SERPINA1: variants seen among roughly 807,000 people sequenced by gnomAD.
SERPINA1 encodes the protein serpin family A member 1.
In SERPINA1, 21 loss-of-function variants were observed where a neutral mutation model predicts 25.4. The observed-to-expected ratio is 0.83, with a 90% CI of 0.59 to 1.19. SERPINA1 has a LOEUF of 1.19. Among genes scored for constraint, SERPINA1 ranks in the 50% most tolerant of loss-of-function variants. The pLI, the probability that SERPINA1 is intolerant of heterozygous loss-of-function variation, is 0.00. For missense variants in SERPINA1, 546 were observed against 509.0 expected (o/e 1.07, Z -0.70); for synonymous variants, 218 against 211.1 (o/e 1.03, Z -0.29).
chr14:94,385,524 T>G (rs888173991), intron 1 of SERPINA1, among the ~76,000 whole-genome samples: 2 of 152,248 alleles, frequency 1.3e-5, no homozygotes, highest in African/African-American at 4.8e-5. Flanking sequence ...AGCTGAGGTT[T>G]CACCGTGTTG....
intron 1 of SERPINA1, among the ~76,000 whole-genome samples, chr14:94,387,126 T>A (rs1214361084): frequency 6.6e-6 from 1 of 152,174 alleles, no homozygotes; most frequent in African/African-American, 2.4e-5. Flanking sequence ...ATCAGAAAAC[T>A]TCAGAGGCAG....
intron 1 of SERPINA1, 47 bp downstream of exon 1, chr14:94,388,513 A>C (rs1352996442): frequency 6.6e-6 from 1 of 152,584 alleles, no homozygotes; most frequent in African/African-American, 2.4e-5. Flanking sequence ...GGCCATGGGG[A>C]GCTCAGAAGC....
At position 94,378,257 on chromosome 14, in the gene SERPINA1, A is replaced by T. The variant is rs1253600908; in HGVS notation, c.*192T>A. On this transcript the variant is annotated 3_prime_UTR_variant, in exon 5 of 5. Transcript: ENST00000393087. ...CTACCCAGCCAGATGCTCCATGAAC[A>T]CAGTTCAGGGGGCCCGAAGACAGCA... 8.1e-6 allele frequency: 5 copies of T among 616,376 alleles called. No homozygotes were observed. The East Asian group carries it at 1.4e-4, about 17-fold the overall frequency. The allele number at this position is 616,376 out of a possible 1,614,324, so 38.2% of individuals were successfully genotyped here.
At position 94,380,888 on chromosome 14, in the gene SERPINA1, C is replaced by T. The variant is rs538675821; in HGVS notation, c.900G>A (p.Leu300=). Residue 300 remains leucine (L), a synonymous_variant, in exon 3 of 5, where the codon CTG becomes CTA. Transcript: ENST00000393087. ...ELTHDIITKF[L]ENEDRRSASL... ...GGAATCACCTTCTGTCTTCATTTTCCAGGAACTTGGTGATGATATCGTGGG... is the reference window on the plus strand; with the variant it reads ...GGAATCACCTTCTGTCTTCATTTTCTAGGAACTTGGTGATGATATCGTGGG... 1 of 1,614,204 alleles carries T rather than the reference C, an allele frequency of 6.2e-7. No individual in the cohort carries two copies. Among genetic ancestry groups the T allele is most frequent in the Admixed American group, 1.7e-5 (1 of 60,024 alleles).
chr14:94,381,243 C>T (rs1202816392), intron 2 of SERPINA1, 102 bp from the exon 3 acceptor site: 4 of 1,208,516 alleles, frequency 3.3e-6, no homozygotes, highest in Non-Finnish European at 4.7e-6. Context: ...AAGCCCTGAG[C>T]CCCCTTGACG....
At position 94,376,837 on chromosome 14, in the gene SERPINA1, T is replaced by C. The variant is rs1294437497; in HGVS notation, c.*1612A>G. On this transcript the variant is annotated 3_prime_UTR_variant, in exon 5 of 5. Coordinates refer to ENST00000393087, the MANE Select transcript of SERPINA1 (RefSeq NM_000295.5). The stretch of plus-strand genomic sequence containing the variant: ...AACATCATACCAACTCAAAGGCAGG[T>C]CTTACTAGCAATGACTGGGGCTCAG... 2 of 152,198 alleles carry C rather than the reference T, an allele frequency of 1.3e-5. No homozygotes were observed. Among genetic ancestry groups the C allele is most frequent in the African/African-American group, 4.8e-5 (2 of 41,448 alleles). 9.4% of individuals were successfully genotyped at this position (152,198 alleles called of 1,614,324 possible). A position where few individuals can be genotyped will look rare whatever the true frequency, so the allele number is the denominator to read the frequency against.
intron 4 of SERPINA1, chr14:94,379,241 CT>C: frequency 1.5e-6 from 1 of 645,160 alleles, no homozygotes; most frequent in Non-Finnish European, 2.7e-6. Flanking sequence ...GTGACACAAC[CT>C]CAAGGGAGGC....
chr14:94,384,190 C>T (rs1239331115), intron 1 of SERPINA1: 2 of 152,130 alleles, frequency 1.3e-5, no homozygotes, highest in Non-Finnish European at 2.9e-5. Flanking sequence ...TTCAGATAGA[C>T]CTGGGATCTA....
At chr14:94,381,720 T>C (rs1354470511) in intron 2 of SERPINA1, among the ~76,000 whole-genome samples, 3 of 152,172 alleles carry the variant, frequency 2.0e-5, no homozygotes, top group Non-Finnish European at 2.9e-5. Flanking sequence ...AGCTTTCTCA[T>C]TGGACAGAAG....
intron 4 of SERPINA1, chr14:94,379,215 T>G: frequency 1.6e-6 from 1 of 610,728 alleles, no homozygotes; most frequent in Admixed American, 2.8e-5. Context: ...TTGGGCAAAG[T>G]TGAAATTCAG....
chr14:94,380,072 G>A (rs746486207), intron 3 of SERPINA1, among the ~76,000 whole-genome samples: 1 of 152,286 alleles, frequency 6.6e-6, no homozygotes, highest in Non-Finnish European at 1.5e-5. Flanking sequence ...AGGGTCTGGT[G>A]TGAGCGGGCA....
intron 1 of SERPINA1, among the ~76,000 whole-genome samples, chr14:94,384,850 A>G (rs537083775): frequency 6.6e-6 from 1 of 152,332 alleles, no homozygotes; most frequent in South Asian, 2.1e-4. Context: ...CTTCCAATAA[A>G]GCAACAAATG....
Position 94,379,391 on chromosome 14 carries a change from G to C in SERPINA1, c.1065+73C>G, listed in dbSNP as rs897934731. The C allele has an allele frequency of 1.4e-5, 23 of 1,600,320 alleles. No homozygotes were observed. The African/African-American group carries it at 2.9e-4, about 21-fold the overall frequency. On this transcript the variant is annotated intron_variant, in intron 4 of 4. Transcript: ENST00000393087. Reference sequence around the variant, plus strand: ...CCCTCGGCCCCTTCCTCAGCCTCAGGACAGAGCTGCAGCCCCCACACATTC... The same window carrying C: ...CCCTCGGCCCCTTCCTCAGCCTCAGCACAGAGCTGCAGCCCCCACACATTC...
chr14:94,380,908 C>T lies in SERPINA1; in HGVS notation c.880G>A (p.Asp294Asn), dbSNP rs772436715. The T allele has an allele frequency of 2.2e-5, 35 of 1,614,064 alleles. No homozygotes were observed. Among genetic ancestry groups the T allele is most frequent in the South Asian group, 5.5e-5 (5 of 91,088 alleles). ...TTTTCCAGGAACTTGGTGATGATAT[C>T]GTGGGTGAGTTCATTTTCCAGGTGC... ...LQHLENELTH[D>N]IITKFLENED... The change falls in exon 3 of 5, where the codon GAT (aspartate) becomes AAT (asparagine). Residue 294 changes from aspartate (D) to asparagine (N), a missense_variant. Asp to Asn is a conservative substitution (Grantham distance 23). Coordinates refer to ENST00000393087, the MANE Select transcript of SERPINA1 (RefSeq NM_000295.5).
intron 2 of SERPINA1, 99 bp downstream of exon 2, chr14:94,382,493 G>A (rs1364493913): frequency 2.9e-6 from 4 of 1,368,628 alleles, no homozygotes; most frequent in Non-Finnish European, 4.2e-6. Flanking sequence ...CATTGCTATG[G>A]CCCATAATGC....
At chr14:94,389,635 G>A (rs1897551475), upstream of SERPINA1, 1 of 152,230 alleles carries the variant, frequency 6.6e-6, no homozygotes, top group Admixed American at 6.5e-5. Context: ...CCCTTTAAAA[G>A]CCTAAATCAG....
At chr14:94,379,307 G>A (rs1057370235) in intron 4 of SERPINA1, 157 bp downstream of exon 4, 23 of 1,120,406 alleles carry the variant, frequency 2.1e-5, no homozygotes, top group East Asian at 7.2e-5. Flanking sequence ...GTTTGACCAC[G>A]TCCCGTGTCA....
Position 94,379,580 on chromosome 14 carries a change from T to C in SERPINA1, c.949A>G (p.Ile317Val), listed in dbSNP as rs1164159907. The C allele has an allele frequency of 1.2e-6, 2 of 1,614,218 alleles. No homozygotes were observed. Among genetic ancestry groups the C allele is most frequent in the South Asian group, 1.1e-5 (1 of 91,080 alleles). Residue 317 changes from isoleucine (I) to valine (V), a missense_variant, in exon 4 of 5, where the codon ATT (isoleucine) becomes GTT (valine). Ile to Val is a conservative substitution (Grantham distance 29). Transcript: ENST00000393087. ...CTCTTCAGATCATAGGTTCCAGTAA[T>C]GGACAGTTTGGGTAAATGTAAGCTG... is the stretch of plus-strand genomic sequence containing the variant. ...SASLHLPKLS[I>V]TGTYDLKSVL...
chr14:94,381,984 AG>A (rs1216812404), intron 2 of SERPINA1, among the ~76,000 whole-genome samples: 5 of 152,202 alleles, frequency 3.3e-5, no homozygotes, highest in African/African-American at 4.8e-5. Flanking sequence ...TTAACCCCTC[AG>A]GGGCAGGAAG....
Sources: gnomAD v4.1 joint callset for allele counts (sites outside exome capture counted in the v4.1 genomes callset) on GRCh38, gnomAD v4.1.1 for gene constraint, MANE v1.5 for transcripts, NCBI Gene and HGNC (gene_info 2026-07-23, HGNC 2026-07-21) for gene names.